DNAJC1: variants seen among roughly 807,000 people sequenced by gnomAD.
DNAJC1 encodes the protein dnaJ homolog subfamily C member 1.
DNAJC1 carries 58 observed loss-of-function variants against 76.6 expected under a neutral mutation model. That is an observed-to-expected ratio of 0.76 (90% CI 0.61 to 0.94). DNAJC1 has a LOEUF of 0.94. Among genes scored for constraint, DNAJC1 ranks in the 40% least tolerant of loss-of-function variants. The probability of loss-of-function intolerance (pLI) is 0.00; values close to 1 mark genes in which losing one functional copy is unlikely to be tolerated. For synonymous variants in DNAJC1, 258 were observed against 267.9 expected, an observed-to-expected ratio of 0.96 and a Z score of 0.36; for missense variants, 689 against 677.3, an observed-to-expected ratio of 1.02 and a Z score of -0.19.
At chr10:21,800,541 C>T (rs933487469) in intron 9 of DNAJC1, among the ~76,000 whole-genome samples, 6 of 152,080 alleles carry the variant, frequency 3.9e-5, no homozygotes, top group South Asian at 2.1e-4. Flanking sequence ...AAATGTCAAC[C>T]GATAGGATAT....
intron 3 of DNAJC1, 45 bp downstream of exon 3, chr10:21,928,461 A>G (rs1837165321): frequency 1.3e-6 from 2 of 1,526,746 alleles, no homozygotes. Flanking sequence ...AAACTGTAGC[A>G]TGAAACTATA....
At chr10:21,922,479 AG>A (rs1467184616) in intron 3 of DNAJC1, among the ~76,000 whole-genome samples, 1 of 152,040 alleles carries the variant, frequency 6.6e-6, no homozygotes, top group Non-Finnish European at 1.5e-5. Context: ...AATATACAAG[AG>A]TCTACAAAGT....
chr10:22,001,486 C>T (rs181641572), intron 1 of DNAJC1, among the ~76,000 whole-genome samples: 17 of 152,178 alleles, frequency 1.1e-4, no homozygotes, highest in Non-Finnish European at 2.9e-5. Flanking sequence ...TCCTTCTTTT[C>T]GGATTCTACC....
At position 21,914,961 on chromosome 10, in the gene DNAJC1, G is replaced by A. The variant is rs1013924279; in HGVS notation, c.729+3818C>T. Among the ~76,000 whole-genome samples, 3 of 152,134 alleles carry A rather than the reference G, an allele frequency of 2.0e-5. No individual in the cohort carries two copies. The East Asian group carries it at 5.8e-4, about 29-fold the overall frequency. ...TACTAAAATGTGAAGCATATATACC[G>A]TATTGTAGAATGGTTATTTAAATTC... On this transcript the variant is annotated intron_variant, in intron 6 of 11. Coordinates refer to ENST00000376980, the MANE Select transcript of DNAJC1 (RefSeq NM_022365.4).
intron 8 of DNAJC1, among the ~76,000 whole-genome samples, chr10:21,817,159 C>CA (rs1194285168): frequency 0.66 from 39,292 of 59,758 alleles, 13,484 homozygotes; most frequent in East Asian, 0.92. Context: ...GATTCCGTCT[C>CA]AAAAAAAAAA....
At chr10:21,879,442 G>C (rs865887625) in intron 8 of DNAJC1, among the ~76,000 whole-genome samples, 1 of 152,020 alleles carries the variant, frequency 6.6e-6, no homozygotes, top group Non-Finnish European at 1.5e-5. Flanking sequence ...TGGCCAACAC[G>C]GTGAAACCCC....
intron 9 of DNAJC1, among the ~76,000 whole-genome samples, chr10:21,774,877 G>C (rs902513421): frequency 1.3e-5 from 2 of 152,186 alleles, no homozygotes; most frequent in African/African-American, 4.8e-5. Context: ...AATTACCTTA[G>C]AGAATCATTC....
At chr10:21,878,080 G>A (rs1836216730) in intron 8 of DNAJC1, among the ~76,000 whole-genome samples, 1 of 152,104 alleles carries the variant, frequency 6.6e-6, no homozygotes, top group Non-Finnish European at 1.5e-5. Context: ...TACTTATAAA[G>A]CAATTCAATT....
intron 1 of DNAJC1, among the ~76,000 whole-genome samples, chr10:21,976,927 TAAC>T (rs1838076217): frequency 1.3e-5 from 2 of 152,138 alleles, no homozygotes; most frequent in African/African-American, 4.8e-5. Flanking sequence ...TTTTCTTCCG[TAAC>T]AACAACAGCA....
At chr10:21,920,540 C>G (rs1280884687) in intron 4 of DNAJC1, 2 of 276,522 alleles carry the variant, frequency 7.2e-6, no homozygotes, top group Non-Finnish European at 1.3e-5. Context: ...ATGGCTCTAC[C>G]TTCTAATTCC....
At chr10:21,931,871 A>G (rs573297754) in intron 1 of DNAJC1, among the ~76,000 whole-genome samples, 1 of 151,614 alleles carries the variant, frequency 6.6e-6, no homozygotes, top group East Asian at 1.9e-4. Flanking sequence ...GCTATCTTTA[A>G]CTCTTTTCAT....
chr10:21,849,945 A>C (rs1040940750), intron 8 of DNAJC1, among the ~76,000 whole-genome samples: 5 of 152,178 alleles, frequency 3.3e-5, no homozygotes, highest in African/African-American at 7.2e-5. Context: ...CACCCAATAA[A>C]GTAGGAATAG....
At chr10:21,868,450 T>C (rs1444248534) in intron 8 of DNAJC1, among the ~76,000 whole-genome samples, 2 of 151,960 alleles carry the variant, frequency 1.3e-5, no homozygotes, top group East Asian at 3.9e-4. Flanking sequence ...GAGAAATAAT[T>C]ACATGAACTG....
intron 1 of DNAJC1, among the ~76,000 whole-genome samples, chr10:21,959,968 T>C (rs1209877725): frequency 6.6e-6 from 1 of 152,110 alleles, no homozygotes; most frequent in Non-Finnish European, 1.5e-5. Context: ...GGGTCTACTA[T>C]CAAAAGCATA....
At chr10:21,830,584 T>C (rs949196351) in intron 8 of DNAJC1, among the ~76,000 whole-genome samples, 9 of 152,210 alleles carry the variant, frequency 5.9e-5, no homozygotes, top group Non-Finnish European at 1.5e-5. Context: ...ATTCATCCTG[T>C]TCAGTATACT....
intron 8 of DNAJC1, among the ~76,000 whole-genome samples, chr10:21,825,684 ATTTC>A (rs1255676034): frequency 6.6e-6 from 1 of 152,074 alleles, no homozygotes; most frequent in Admixed American, 6.5e-5. Flanking sequence ...ATGCCTTCAC[ATTTC>A]TTTTTTTCTG....
chr10:21,780,659 C>A (rs1834516243), intron 9 of DNAJC1, among the ~76,000 whole-genome samples: 1 of 152,186 alleles, frequency 6.6e-6, no homozygotes, highest in Admixed American at 6.5e-5. Context: ...CTGTAAAGAC[C>A]ATTGATGCTA....
At chr10:21,868,076 C>CAA (rs775127374) in intron 8 of DNAJC1, among the ~76,000 whole-genome samples, 2 of 21,212 alleles carry the variant, frequency 9.4e-5, no homozygotes, top group African/African-American at 1.7e-4. Flanking sequence ...ATTCTGTCTC[C>CAA]AAAAAAAAAA....
chr10:21,884,323 C>T (rs1836333554), intron 7 of DNAJC1, among the ~76,000 whole-genome samples: 2 of 152,100 alleles, frequency 1.3e-5, no homozygotes, highest in East Asian at 1.9e-4. Flanking sequence ...GAGGCTCATA[C>T]ACTCTAAAGG....
Sources: allele counts gnomAD v4.1 joint callset (sites outside exome capture counted in the v4.1 genomes callset), GRCh38; gene constraint gnomAD v4.1.1; transcripts MANE v1.5; gene names NCBI Gene and HGNC (gene_info 2026-07-23, HGNC 2026-07-21).